PTPRN2: variants seen among roughly 807,000 people sequenced by gnomAD.
PTPRN2 encodes the protein receptor-type tyrosine-protein phosphatase N2.
A neutral mutation model predicts 118.8 loss-of-function variants in PTPRN2; 74 were observed. The ratio of observed to expected loss-of-function variants is 0.62; its 90% CI spans 0.52 to 0.76. PTPRN2 has a LOEUF of 0.76. Ranked by LOEUF, PTPRN2 falls within the 30% of genes least tolerant of loss-of-function variation. The pLI, the probability that PTPRN2 is intolerant of heterozygous loss-of-function variation, is 0.00. For missense variants in PTPRN2, 1,481 were observed against 1,394.4 expected, an observed-to-expected ratio of 1.06 and a Z score of -0.99; for synonymous variants, 641 against 608.0, an observed-to-expected ratio of 1.05 and a Z score of -0.80.
intron 3 of PTPRN2, among the ~76,000 whole-genome samples, chr7:158,209,128 GGAAA>G (rs1180282063): frequency 2.7e-5 from 4 of 147,388 alleles, no homozygotes; most frequent in Admixed American, 2.0e-4. Flanking sequence ...AAAAAAGTAA[GGAAA>G]GAAATAAGAA....
At chr7:158,337,319 A>C (rs1805813447) in intron 2 of PTPRN2, among the ~76,000 whole-genome samples, 1 of 150,476 alleles carries the variant, frequency 6.6e-6, no homozygotes, top group South Asian at 2.1e-4. Flanking sequence ...GACATCATTC[A>C]CACCCACACT....
At chr7:158,071,590 AGGTGCTCCTGGTG>A (rs1811721815) in intron 11 of PTPRN2, among the ~76,000 whole-genome samples, 17 of 38,772 alleles carry the variant, frequency 4.4e-4, no homozygotes, top group African/African-American at 8.2e-4. Flanking sequence ...CTCCTGGTGG[AGGTGCTCCTGGTG>A]GAGGTGCTCG....
In PTPRN2 at chr7:157,690,930, C is replaced by A; in HGVS notation, c.1789-7993G>T. 6.9e-6 allele frequency among the ~76,000 whole-genome samples: 1 copy of A among 145,690 alleles called. No individual in the cohort carries two copies. On this transcript the variant is annotated intron_variant, in intron 12 of 22. Coordinates refer to ENST00000389418, the MANE Select transcript of PTPRN2 (RefSeq NM_002847.5). This position sits in a 1 kb window ranked among gnomAD's most constrained non-coding sequence, Gnocchi z 7.1. ...GGGCGGGCTCAGGGCGGGCTCCGGA[C>A]GGTCCCGGTAGGGCCGCCGGCCGCG... is the stretch of plus-strand genomic sequence containing the variant.
chr7:157,953,054 A>G lies in PTPRN2; in HGVS notation c.1724-54317T>C, dbSNP rs1298590065. 6.6e-6 allele frequency among the ~76,000 whole-genome samples: 1 copy of G among 151,800 alleles called. No homozygotes were observed. The highest frequency in any genetic ancestry group is 2.4e-5 in the African/African-American group (1 of 41,300). On this transcript the variant is annotated intron_variant, in intron 11 of 22. Coordinates refer to ENST00000389418, the MANE Select transcript of PTPRN2 (RefSeq NM_002847.5). The surrounding 1 kb of genome is among the most constrained non-coding windows in gnomAD (Gnocchi z 4.6). ...CAGGGTGAGCTGTCCAGTGCCAGGA[A>G]CCACCTGACCACAGGGTGAGCCGTC...
At chr7:157,819,624 G>A (rs1258170277) in intron 12 of PTPRN2, among the ~76,000 whole-genome samples, 1 of 150,132 alleles carries the variant, frequency 6.7e-6, no homozygotes, top group African/African-American at 2.4e-5. Flanking sequence ...AAGCGGCCAC[G>A]GCACAGCCCT....
chr7:158,520,763 C>G (rs1823921756), intron 1 of PTPRN2, among the ~76,000 whole-genome samples: 1 of 152,198 alleles, frequency 6.6e-6, no homozygotes, highest in South Asian at 2.1e-4. Flanking sequence ...GGCTGCTTAT[C>G]AGAAAATCCT....
At chr7:158,288,796 T>G (rs75938350) in intron 3 of PTPRN2, among the ~76,000 whole-genome samples, 1,698 of 152,344 alleles carry the variant, frequency 0.011, 40 homozygotes, top group African/African-American at 0.039. Context: ...GTTTTCATGT[T>G]GCTAGTTAGC....
chr7:158,330,744 C>T (rs1467046726), intron 2 of PTPRN2, among the ~76,000 whole-genome samples: 4 of 116,500 alleles, frequency 3.4e-5, no homozygotes, highest in African/African-American at 5.8e-5. Flanking sequence ...GTCACTCACA[C>T]CCACACTCTC....
chr7:158,156,627 A>G (rs1040305998), intron 6 of PTPRN2, among the ~76,000 whole-genome samples: 2 of 152,242 alleles, frequency 1.3e-5, no homozygotes, highest in African/African-American at 4.8e-5. Context: ...CGGCATGATC[A>G]GACCCAAAGC....
At chr7:158,392,675 C>T (rs896736491) in intron 2 of PTPRN2, among the ~76,000 whole-genome samples, 2 of 152,116 alleles carry the variant, frequency 1.3e-5, no homozygotes, top group African/African-American at 2.4e-5. Context: ...TCACCAACTG[C>T]GAAGACACAA....
chr7:158,133,636 C>A, intron 9 of PTPRN2, 41 bp downstream of exon 9: 1 of 1,519,610 alleles, frequency 6.6e-7, no homozygotes, highest in Non-Finnish European at 8.8e-7. Flanking sequence ...GGGACAAGCC[C>A]TCCCTCGGCA....
rs533585970 is a variant in PTPRN2 at position 158,557,756 on chromosome 7, A to G, written c.112+29802T>C. Reference sequence around the variant, plus strand: ...AAGAAAACAGCGTTTCCAGAGCACCATGGCGCCTAGAAGTGGGCTGGCCAA... The same window carrying G: ...AAGAAAACAGCGTTTCCAGAGCACCGTGGCGCCTAGAAGTGGGCTGGCCAA... On this transcript the variant is annotated intron_variant, in intron 1 of 22. Coordinates refer to ENST00000389418, the MANE Select transcript of PTPRN2 (RefSeq NM_002847.5). 5.3e-5 allele frequency among the ~76,000 whole-genome samples: 8 copies of G among 152,308 alleles called. No homozygotes were observed. The East Asian group carries it at 5.8e-4, about 11-fold the overall frequency.
At chr7:157,823,959 A>C (rs1269377903) in intron 12 of PTPRN2, among the ~76,000 whole-genome samples, 1 of 152,180 alleles carries the variant, frequency 6.6e-6, no homozygotes, top group Non-Finnish European at 1.5e-5. Flanking sequence ...AGAAATTAGA[A>C]GTGTTTTTTC....
At chr7:158,130,701 A>AAT (rs1554549571) in intron 9 of PTPRN2, among the ~76,000 whole-genome samples, 2 of 147,988 alleles carry the variant, frequency 1.4e-5, no homozygotes, top group African/African-American at 5.0e-5. Flanking sequence ...ACATCTACCC[A>AAT]ACACACACTC....
intron 3 of PTPRN2, among the ~76,000 whole-genome samples, chr7:158,300,649 C>A (rs1274628105): frequency 1.3e-5 from 2 of 152,208 alleles, no homozygotes; most frequent in Non-Finnish European, 2.9e-5. Context: ...TCTGCTTACC[C>A]AGAGCTTGCT....
At chr7:158,269,075 G>A (rs556156692) in intron 3 of PTPRN2, among the ~76,000 whole-genome samples, 2 of 152,302 alleles carry the variant, frequency 1.3e-5, no homozygotes, top group South Asian at 2.1e-4. Context: ...AACTTTGAAC[G>A]GAGGAGCACA....
chr7:158,225,944 G>A (rs567766112), intron 3 of PTPRN2, among the ~76,000 whole-genome samples: 2 of 151,950 alleles, frequency 1.3e-5, no homozygotes, highest in East Asian at 1.9e-4. Flanking sequence ...ACAGGAGGAC[G>A]TCAAAGCTAC....
At chr7:157,816,390 G>C (rs370907704) in intron 12 of PTPRN2, among the ~76,000 whole-genome samples, 1 of 152,184 alleles carries the variant, frequency 6.6e-6, no homozygotes, top group Non-Finnish European at 1.5e-5. Flanking sequence ...TCCCCTCCAC[G>C]AGCTCTAGGG....
At chr7:158,215,116 T>A (rs1220545902) in intron 3 of PTPRN2, among the ~76,000 whole-genome samples, 1 of 152,180 alleles carries the variant, frequency 6.6e-6, no homozygotes, top group African/African-American at 2.4e-5. Flanking sequence ...CAATGAGCAA[T>A]TATGAACACA....
Sources: allele counts gnomAD v4.1 joint callset (sites outside exome capture counted in the v4.1 genomes callset), GRCh38; gene constraint gnomAD v4.1.1; non-coding constraint Gnocchi (gnomAD v3.1); transcripts MANE v1.5; gene names NCBI Gene and HGNC (gene_info 2026-07-23, HGNC 2026-07-21).